The following MYO3B variants were observed in gnomAD, a reference collection of about 807,000 sequenced individuals.
MYO3B encodes myosin IIIB.
A neutral mutation model predicts 174.6 loss-of-function variants in MYO3B; 156 were observed. That is an observed-to-expected ratio of 0.89 (90% CI 0.78 to 1.02). The LOEUF is 1.02. Ranked by LOEUF, MYO3B falls within the 50% of genes least tolerant of loss-of-function variation. The pLI is 0.00. For missense variants in MYO3B, 1,632 were observed against 1,639.4 expected (o/e 1.00, Z 0.08); for synonymous variants, 563 against 569.1 (o/e 0.99, Z 0.15).
intron 28 of MYO3B, among the ~76,000 whole-genome samples, chr2:170,512,789 TCATGTAATATTTAGGAGTTCAGA>T (rs1218441006): frequency 1.8e-4 from 27 of 152,312 alleles, no homozygotes; most frequent in African/African-American, 6.5e-4. Flanking sequence ...ATGACCTGCA[TCATGTAATATTTAGGAGTTCAGA>T]CTTTAGGAAA....
intron 32 of MYO3B, among the ~76,000 whole-genome samples, chr2:170,636,653 G>C (rs1697509891): frequency 6.6e-6 from 1 of 152,096 alleles, no homozygotes; most frequent in Admixed American, 6.5e-5. Context: ...CACCCTTCCA[G>C]AGCTGGTGGC....
intron 7 of MYO3B, among the ~76,000 whole-genome samples, chr2:170,265,887 CATAAA>C (rs1319528151): frequency 1.3e-5 from 2 of 151,956 alleles, no homozygotes; most frequent in Non-Finnish European, 2.9e-5. Context: ...ATGAATACAA[CATAAA>C]ATAAAGTAGA....
At chr2:170,345,842 T>C (rs768196154) in intron 8 of MYO3B, among the ~76,000 whole-genome samples, 9 of 151,070 alleles carry the variant, frequency 6.0e-5, no homozygotes, top group Non-Finnish European at 1.2e-4. Flanking sequence ...GACAAACAGA[T>C]AAGATCATGT....
intron 22 of MYO3B, among the ~76,000 whole-genome samples, chr2:170,410,592 G>GAAAAAAAAAAAAAAA (rs59296953): frequency 5.3e-5 from 6 of 112,526 alleles, no homozygotes; most frequent in African/African-American, 1.0e-4. Flanking sequence ...CAAAAAAAAA[G>GAAAAAAAAAAAAAAA]AAAAAAAAAA....
chr2:170,623,980 G>C (rs918524531), intron 32 of MYO3B, among the ~76,000 whole-genome samples: 6 of 152,136 alleles, frequency 3.9e-5, no homozygotes, highest in Admixed American at 2.0e-4. Flanking sequence ...CTGTAGCCTC[G>C]TAGTATAGTT....
intron 22 of MYO3B, among the ~76,000 whole-genome samples, chr2:170,424,460 T>C (rs1043322625): frequency 6.6e-6 from 1 of 152,002 alleles, no homozygotes; most frequent in Non-Finnish European, 1.5e-5. Context: ...CTACCAAGAA[T>C]ATAAAAATTA....
chr2:170,274,750 T>C (rs1387699682), intron 7 of MYO3B, among the ~76,000 whole-genome samples: 2 of 152,204 alleles, frequency 1.3e-5, no homozygotes. Flanking sequence ...TGACTTTTAC[T>C]GTATGTAAAT....
chr2:170,539,281 CCTATGCTTTGCGTAGACT>C (rs1689927004), intron 30 of MYO3B, among the ~76,000 whole-genome samples: 1 of 152,152 alleles, frequency 6.6e-6, no homozygotes, highest in Non-Finnish European at 1.5e-5. Context: ...CCCTCTATGC[CCTATGCTTTGCGTAGACT>C]GTAAGTTAGA....
At chr2:170,414,790 A>G (rs1319407234) in intron 22 of MYO3B, among the ~76,000 whole-genome samples, 1 of 152,184 alleles carries the variant, frequency 6.6e-6, no homozygotes, top group Non-Finnish European at 1.5e-5. Flanking sequence ...CAGATCCTGT[A>G]CATGTTTTAT....
chr2:170,617,056 G>T (rs1296779025), intron 32 of MYO3B, among the ~76,000 whole-genome samples: 3 of 152,064 alleles, frequency 2.0e-5, no homozygotes, highest in Non-Finnish European at 4.4e-5. Context: ...GCCAATTTTT[G>T]ATCAATACCT....
chr2:170,539,560 C>T (rs1039942295), intron 30 of MYO3B, among the ~76,000 whole-genome samples: 2 of 152,148 alleles, frequency 1.3e-5, no homozygotes, highest in Admixed American at 6.5e-5. Context: ...TATGAATGTC[C>T]TCTTCCCTAT....
intron 8 of MYO3B, among the ~76,000 whole-genome samples, chr2:170,368,771 C>A (rs2094217173): frequency 6.6e-6 from 1 of 152,144 alleles, no homozygotes; most frequent in African/African-American, 2.4e-5. Context: ...CACCTAGATG[C>A]CTTTTCCCTG....
intron 7 of MYO3B, among the ~76,000 whole-genome samples, chr2:170,301,785 A>T (rs2093666596): frequency 6.6e-6 from 1 of 150,586 alleles, no homozygotes; most frequent in Non-Finnish European, 1.5e-5. Context: ...CCAGTATTTC[A>T]TGGCCTTTTT....
intron 7 of MYO3B, among the ~76,000 whole-genome samples, chr2:170,289,053 G>A (rs2093577442): frequency 6.6e-6 from 1 of 152,056 alleles, no homozygotes; most frequent in African/African-American, 2.4e-5. Flanking sequence ...TTTCTGGGGT[G>A]AATCCCACTT....
chr2:170,557,071 G>GTT (rs201210337), intron 32 of MYO3B, among the ~76,000 whole-genome samples: 1 of 149,828 alleles, frequency 6.7e-6, no homozygotes. Flanking sequence ...TTAGATACGT[G>GTT]TTTTTTTTTG....
At chr2:170,607,826 T>C (rs926589540) in intron 32 of MYO3B, among the ~76,000 whole-genome samples, 2 of 152,222 alleles carry the variant, frequency 1.3e-5, no homozygotes, top group African/African-American at 4.8e-5. Context: ...TTTATAATAA[T>C]GTAGGTTTCT....
intron 30 of MYO3B, among the ~76,000 whole-genome samples, chr2:170,522,606 C>A (rs1218088221): frequency 1.3e-5 from 2 of 152,212 alleles, no homozygotes; most frequent in Admixed American, 1.3e-4. Flanking sequence ...GTTCCGACTT[C>A]TCAGGCTGCT....
At chr2:170,433,310 A>C (rs1320725108) in intron 22 of MYO3B, among the ~76,000 whole-genome samples, 2 of 152,240 alleles carry the variant, frequency 1.3e-5, no homozygotes, top group Non-Finnish European at 2.9e-5. Context: ...TTTACTTAGG[A>C]ATAAAAATAA....
chr2:170,407,827 TC>T lies in MYO3B; in HGVS notation c.2636del (p.Pro879LeufsTer2), dbSNP rs1400919077. 3.1e-6 allele frequency: 5 copies of T among 1,613,858 alleles called. No homozygotes were observed. The highest frequency in any genetic ancestry group is 4.2e-6 in the Non-Finnish European group (5 of 1,179,884). On this transcript the variant is annotated frameshift_variant, in exon 22 of 35. Transcript: ENST00000408978. LOFTEE classifies it high-confidence loss of function. ...AAGCTTCTTCAGCAGCTCTTCTCAA[TC>T]CCTCTGACCAAAACAGGTACTTGGG... ...ENKLLQQLFS[I>X]PLTKTGNLAQ...
Sources: allele counts gnomAD v4.1 joint callset (sites outside exome capture counted in the v4.1 genomes callset), GRCh38; gene constraint gnomAD v4.1.1; transcripts MANE v1.5; gene names NCBI Gene and HGNC (gene_info 2026-07-23, HGNC 2026-07-21).